Variants in PDE1A observed in about 807,000 individuals in gnomAD.
PDE1A encodes dual specificity calcium/calmodulin-dependent 3',5'-cyclic nucleotide phosphodiesterase 1A.
Under a neutral mutation model 61.7 loss-of-function variants are expected in PDE1A, and 35 were observed. That is an observed-to-expected ratio of 0.57 (90% CI 0.43 to 0.75). The LOEUF (loss-of-function observed/expected upper bound fraction) is 0.75. PDE1A is among the 30% of genes least tolerant of loss of function. PDE1A has a pLI of 0.00. For missense variants in PDE1A, 597 were observed against 630.6 expected, an observed-to-expected ratio of 0.95 and a Z score of 0.57; for synonymous variants, 232 against 213.2, an observed-to-expected ratio of 1.09 and a Z score of -0.77.
At chr2:182,486,011 T>C (rs983620799) in intron 2 of PDE1A, among the ~76,000 whole-genome samples, 2 of 151,708 alleles carry the variant, frequency 1.3e-5, no homozygotes, top group Admixed American at 6.6e-5. Flanking sequence ...AAGGAAGAAG[T>C]AAAACTCTAT....
chr2:182,188,652 T>C (rs1336625994), intron 11 of PDE1A, among the ~76,000 whole-genome samples: 2 of 152,224 alleles, frequency 1.3e-5, no homozygotes, highest in Non-Finnish European at 2.9e-5. Context: ...AGTTGACCTA[T>C]ATATCTAAAG....
intron 6 of PDE1A, among the ~76,000 whole-genome samples, chr2:182,225,462 T>C (rs552055800): frequency 1.3e-5 from 2 of 152,060 alleles, no homozygotes; most frequent in South Asian, 4.1e-4. Context: ...ACATAACCTA[T>C]CATGATATTC....
chr2:182,346,032 G>A (rs748976080), intron 1 of PDE1A, among the ~76,000 whole-genome samples: 1 of 152,160 alleles, frequency 6.6e-6, no homozygotes, highest in Non-Finnish European at 1.5e-5. Flanking sequence ...CAGCATAAAT[G>A]TTCCTTAAAG....
chr2:182,269,648 G>A (rs751739469), intron 1 of PDE1A, among the ~76,000 whole-genome samples: 73 of 151,982 alleles, frequency 4.8e-4, no homozygotes, highest in Non-Finnish European at 7.9e-4. Context: ...AATCATTGAG[G>A]AGGAGGAGTT....
chr2:182,225,210 C>T (rs1305903219), intron 6 of PDE1A, among the ~76,000 whole-genome samples: 3 of 151,776 alleles, frequency 2.0e-5, no homozygotes, highest in African/African-American at 7.3e-5. Flanking sequence ...ACTATAGGGT[C>T]TGTATTAAAA....
At chr2:182,177,807 C>T (rs1157996530) in intron 13 of PDE1A, among the ~76,000 whole-genome samples, 4 of 152,072 alleles carry the variant, frequency 2.6e-5, no homozygotes, top group East Asian at 3.9e-4. Flanking sequence ...CATACTGAAA[C>T]ACCTCAATGG....
chr2:182,344,752 A>T (rs79129355), intron 1 of PDE1A, among the ~76,000 whole-genome samples: 982 of 33,392 alleles, frequency 0.029, 11 homozygotes, highest in African/African-American at 0.11. Context: ...TCTCTCTCTC[A>T]CACACACACA....
chr2:182,227,633 C>T (rs1689243560), intron 6 of PDE1A, among the ~76,000 whole-genome samples: 1 of 152,018 alleles, frequency 6.6e-6, no homozygotes, highest in African/African-American at 2.4e-5. Flanking sequence ...ATTTACTCCT[C>T]ATTGCCATTC....
At chr2:182,710,384 G>A in the PDE1A span, among the ~76,000 whole-genome samples, 2 of 152,106 alleles carry the variant, frequency 1.3e-5, no homozygotes, top group African/African-American at 4.8e-5. Flanking sequence ...CTTAAAATCT[G>A]CTCTCTTACC....
chr2:182,296,618 G>A (rs978904605), intron 1 of PDE1A, among the ~76,000 whole-genome samples: 1 of 152,168 alleles, frequency 6.6e-6, no homozygotes, highest in Admixed American at 6.5e-5. Context: ...CTTCAAGTGA[G>A]GAACACCTAG....
chr2:182,163,007 T>C (rs1445989532), downstream of PDE1A, among the ~76,000 whole-genome samples: 1 of 152,146 alleles, frequency 6.6e-6, no homozygotes, highest in Non-Finnish European at 1.5e-5. Context: ...CAAGGTAGCA[T>C]TCTTGAAGGG....
intron 13 of PDE1A, among the ~76,000 whole-genome samples, chr2:182,175,592 T>C (rs1284928234): frequency 1.8e-5 from 2 of 108,566 alleles, no homozygotes; most frequent in Non-Finnish European, 3.8e-5. Context: ...TAGCCCTTTG[T>C]CAGATGAGTA....
chr2:182,461,161 C>T (rs1225796034), intron 2 of PDE1A, among the ~76,000 whole-genome samples: 1 of 151,938 alleles, frequency 6.6e-6, no homozygotes, highest in East Asian at 1.9e-4. Context: ...GAGGTGTATT[C>T]GTTAGCAAAT....
In PDE1A at chr2:182,239,200, G is replaced by A. The variant is rs557377639; in HGVS notation, c.350+910C>T. ...ATTCAAGTTTGTAATATTGATTAAC[G>A]GTAATGCCTAGAGATATCAGAAGAT... On this transcript the variant is annotated intron_variant, in intron 3 of 13. Transcript: ENST00000351439. Among the ~76,000 whole-genome samples the A allele has an allele frequency of 2.7e-3, 416 of 152,132 alleles. 1 individual carries two copies. Among genetic ancestry groups the A allele is most frequent in the African/African-American group, 9.2e-3 (380 of 41,504 alleles).
At chr2:182,483,533 A>G (rs1289926409) in intron 2 of PDE1A, among the ~76,000 whole-genome samples, 1 of 151,938 alleles carries the variant, frequency 6.6e-6, no homozygotes, top group Non-Finnish European at 1.5e-5. Context: ...CATAAAAAAC[A>G]AACAACATAC....
rs1016549546 is a variant in PDE1A, at chr2:182,205,850, A to G, written c.902+90T>C. 5 of 1,170,212 alleles carry G rather than the reference A, an allele frequency of 4.3e-6. No individual in the cohort carries two copies. In the Admixed American group the frequency reaches 9.1e-5, roughly 21 times the overall value. 72.5% of individuals were successfully genotyped at this position (1,170,212 alleles called of 1,614,324 possible). On this transcript the variant is annotated intron_variant, in intron 8 of 13. Transcript: ENST00000351439. ...ATTAAGTTTGTAATTTGGGGAATGC[A>G]TCGACTTTCATCTTTTTTCTTGACT... is the stretch of plus-strand genomic sequence containing the variant.
the PDE1A span, among the ~76,000 whole-genome samples, chr2:182,639,788 A>G: frequency 6.6e-6 from 1 of 151,580 alleles, no homozygotes; most frequent in East Asian, 1.9e-4. Context: ...CTGAGAGAAT[A>G]AAACAAATAC....
At chr2:182,394,528 AG>A in intron 1 of PDE1A, among the ~76,000 whole-genome samples, 1 of 151,008 alleles carries the variant, frequency 6.6e-6, no homozygotes, top group East Asian at 2.0e-4. Context: ...CACTGGGGAA[AG>A]GGGAATGACC....
At chr2:182,380,796 G>A (rs551060803) in intron 1 of PDE1A, among the ~76,000 whole-genome samples, 1 of 152,294 alleles carries the variant, frequency 6.6e-6, no homozygotes, top group African/African-American at 2.4e-5. Flanking sequence ...GCAGAATCCA[G>A]TTCACAAGGT....
Sources: gnomAD v4.1 joint callset for allele counts (sites outside exome capture counted in the v4.1 genomes callset) on GRCh38, gnomAD v4.1.1 for gene constraint, MANE v1.5 for transcripts, NCBI Gene and HGNC (gene_info 2026-07-23, HGNC 2026-07-21) for gene names.